SPAG7: variants seen among roughly 807,000 people sequenced by gnomAD.
SPAG7 encodes sperm-associated antigen 7.
Under a neutral mutation model 30.6 loss-of-function variants are expected in SPAG7, and 20 were observed. That is an observed-to-expected ratio of 0.65 (90% CI 0.46 to 0.95). SPAG7 has a LOEUF of 0.95. SPAG7 is among the 40% of genes least tolerant of loss of function. SPAG7 has a pLI of 0.00. For missense variants in SPAG7, 276 were observed against 291.1 expected, an observed-to-expected ratio of 0.95 and a Z score of 0.38; for synonymous variants, 127 against 104.2, an observed-to-expected ratio of 1.22 and a Z score of -1.33.
rs202121641 is a variant in SPAG7 at position 4,960,473 on chromosome 17, G to A, written c.228C>T (p.Ile76=). ...IKKKFQPMNK[I]ERSILHDVVE... ...GGGACACTCACAGTATGCTCCTCTC[G>A]ATCTTGTTCATTGGCTGAAACTTTT... The change falls in exon 3 of 7, where the codon ATC becomes ATT. Residue 76 remains isoleucine, a synonymous_variant. Transcript: ENST00000206020. 2.4e-5 allele frequency: 38 copies of A among 1,603,586 alleles called. No individual in the cohort carries two copies. Among genetic ancestry groups the A allele is most frequent in the African/African-American group, 4.1e-5 (3 of 74,008 alleles).
intron 3 of SPAG7, 29 bp downstream of exon 3, chr17:4,960,430 C>T (rs768678879): frequency 6.2e-7 from 1 of 1,603,670 alleles, no homozygotes; most frequent in Admixed American, 1.7e-5. Flanking sequence ...CCACCCATTT[C>T]CTTCCTCCCC....
Position 4,964,577 on chromosome 17 carries a change from G to A in SPAG7, c.85+3143C>T, listed in dbSNP as rs1353395187. ...AAGGTTTCACCGTTTTAGCCAGGAT[G>A]GTCTTGATCTCCTGACCTCATGATC... is the stretch of plus-strand genomic sequence containing the variant. On this transcript the variant is annotated intron_variant, in intron 1 of 6. Transcript: ENST00000206020. 2.6e-5 allele frequency among the ~76,000 whole-genome samples: 4 copies of A among 151,882 alleles called. No homozygotes were observed. The East Asian group carries it at 7.7e-4, about 29-fold the overall frequency.
chr17:4,962,683 T>C (rs1303540175), intron 1 of SPAG7, among the ~76,000 whole-genome samples: 1 of 152,142 alleles, frequency 6.6e-6, no homozygotes, highest in Non-Finnish European at 1.5e-5. Context: ...TCTCACTCTG[T>C]CACCCAGGCT....
In SPAG7 at chr17:4,960,544, C is replaced by G. The variant is rs1567676144; in HGVS notation, c.157G>C (p.Glu53Gln). ...TGAATGAAATCTGACACCTCCTTCT[C>G]CATCTTGGGAGAGGGGAAAGGAAGC... ...QQKVEFRKRM[E>Q]KEVSDFIQDS... Residue 53 changes from glutamate to glutamine, a missense_variant, in exon 3 of 7, where the codon GAG (glutamate) becomes CAG (glutamine). Coordinates refer to ENST00000206020, the MANE Select transcript of SPAG7 (RefSeq NM_004890.3). 3.1e-6 allele frequency: 5 copies of G among 1,604,708 alleles called. No homozygotes were observed. Among genetic ancestry groups the G allele is most frequent in the Non-Finnish European group, 3.4e-6 (4 of 1,176,616 alleles).
At chr17:4,960,389 G>A in intron 3 of SPAG7, 70 bp downstream of exon 3, 1 of 1,595,520 alleles carries the variant, frequency 6.3e-7, no homozygotes, top group Non-Finnish European at 8.6e-7. Flanking sequence ...CTCTGGAGGA[G>A]CCCCCCGCTG....
chr17:4,965,824 AT>A (rs917555641), intron 1 of SPAG7: 29 of 136,512 alleles, frequency 2.1e-4, no homozygotes, highest in African/African-American at 5.6e-4. Context: ...AGCCCAGCTA[AT>A]GTTTATTTAT....
At chr17:4,959,721 C>G in intron 6 of SPAG7, 39 bp downstream of exon 6, 1 of 1,614,108 alleles carries the variant, frequency 6.2e-7, no homozygotes, top group Non-Finnish European at 8.5e-7. Flanking sequence ...GCATCCTATG[C>G]TCCTCTCCCA....
chr17:4,965,625 C>CT (rs986695206), intron 1 of SPAG7, among the ~76,000 whole-genome samples: 29 of 152,078 alleles, frequency 1.9e-4, no homozygotes, highest in African/African-American at 6.8e-4. Context: ...AGCTTATGAG[C>CT]TCTCATCCCT....
In SPAG7 at chr17:4,960,214, G is replaced by T; in HGVS notation, c.327+20C>A. ...GGCTACAAAGGGGAGAGGAGAGAAT[G>T]AGGAATTCAGGCCCTTTACCTTTTT... On this transcript the variant is annotated intron_variant, in intron 4 of 6. Transcript: ENST00000206020. The T allele has an allele frequency of 1.2e-6, 2 of 1,611,196 alleles. No homozygotes were observed. Among genetic ancestry groups the T allele is most frequent in the Non-Finnish European group, 1.7e-6 (2 of 1,177,316 alleles).
chr17:4,961,939 T>C (rs1456493555), intron 1 of SPAG7, among the ~76,000 whole-genome samples: 4 of 152,046 alleles, frequency 2.6e-5, no homozygotes, highest in Non-Finnish European at 5.9e-5. Context: ...AAACCTTGGA[T>C]AAGGGAGAAG....
In SPAG7 at chr17:4,959,654, A is replaced by G; in HGVS notation, c.575-11T>C. 1 of 1,613,762 alleles carries G rather than the reference A, an allele frequency of 6.2e-7. No homozygotes were observed. The highest frequency in any genetic ancestry group is 1.1e-5 in the South Asian group (1 of 91,082). The stretch of plus-strand genomic sequence containing the variant: ...TATTGGCCACGGGCACTAGGGGCAG[A>G]GAGGAGGGTAGGGCGGGCCTAGAAA... On this transcript the variant is annotated splice_polypyrimidine_tract_variant and intron_variant, in intron 6 of 6. Coordinates refer to ENST00000206020, the MANE Select transcript of SPAG7 (RefSeq NM_004890.3).
chr17:4,959,498 C>T lies in SPAG7; in HGVS notation c.*36G>A, dbSNP rs990352673. On this transcript the variant is annotated 3_prime_UTR_variant, in exon 7 of 7. Coordinates refer to ENST00000206020, the MANE Select transcript of SPAG7 (RefSeq NM_004890.3). ...AGCCTTGTCTCTCCCTGCCCCCTGCCCTGCCCCAGGGGTCAAAGGGAGCTG... is the reference window on the plus strand; with the variant it reads ...AGCCTTGTCTCTCCCTGCCCCCTGCTCTGCCCCAGGGGTCAAAGGGAGCTG... The T allele has an allele frequency of 6.4e-7, 1 of 1,559,154 alleles. No homozygotes were observed. The highest frequency in any genetic ancestry group is 8.8e-7 in the Non-Finnish European group (1 of 1,135,808).
At chr17:4,961,556 C>T (rs369057151) in intron 1 of SPAG7, among the ~76,000 whole-genome samples, 1 of 149,470 alleles carries the variant, frequency 6.7e-6, no homozygotes. Context: ...AAGATCGAGA[C>T]CATCCTGACT....
intron 1 of SPAG7, chr17:4,966,703 C>G: frequency 1.0e-6 from 1 of 985,470 alleles, no homozygotes; most frequent in Non-Finnish European, 1.2e-6. Flanking sequence ...GGTTATTAAA[C>G]TTACGTGTGA....
At chr17:4,961,552 G>A (rs1170702369) in intron 1 of SPAG7, among the ~76,000 whole-genome samples, 3 of 149,830 alleles carry the variant, frequency 2.0e-5, no homozygotes, top group African/African-American at 2.5e-5. Context: ...TCAGAAGATC[G>A]AGACCATCCT....
At chr17:4,961,713 A>G (rs892840921) in intron 1 of SPAG7, among the ~76,000 whole-genome samples, 8 of 144,172 alleles carry the variant, frequency 5.5e-5, no homozygotes, top group African/African-American at 2.1e-4. Context: ...TGCAGTGAGC[A>G]GAGATGGCGC....
At chr17:4,964,977 T>C (rs1054469717) in intron 1 of SPAG7, among the ~76,000 whole-genome samples, 19 of 152,106 alleles carry the variant, frequency 1.2e-4, no homozygotes, top group African/African-American at 4.3e-4. Flanking sequence ...TGGTGCAATC[T>C]TGGCTCACTG....
At chr17:4,965,066 C>T (rs1297308791) in intron 1 of SPAG7, among the ~76,000 whole-genome samples, 1 of 152,228 alleles carries the variant, frequency 6.6e-6, no homozygotes, top group Non-Finnish European at 1.5e-5. Context: ...TGTGCCACTA[C>T]ACCTGGCTAA....
chr17:4,965,953 A>G (rs1346299657), intron 1 of SPAG7: 2 of 152,136 alleles, frequency 1.3e-5, no homozygotes, highest in African/African-American at 2.4e-5. Flanking sequence ...CCTGGGTTCA[A>G]CTGATTCTCC....
Sources: allele counts gnomAD v4.1 joint callset (sites outside exome capture counted in the v4.1 genomes callset), GRCh38; gene constraint gnomAD v4.1.1; transcripts MANE v1.5; gene names NCBI Gene and HGNC (gene_info 2026-07-23, HGNC 2026-07-21).